Variants in ANKH observed in about 807,000 individuals in gnomAD.
ANKH encodes ANKH inorganic pyrophosphate transport regulator, also known as mineralization regulator ANKH.
In ANKH, 15 loss-of-function variants were observed where a neutral mutation model predicts 49.0. The ratio of observed to expected loss-of-function variants is 0.31; its 90% CI spans 0.20 to 0.47. The LOEUF (loss-of-function observed/expected upper bound fraction) is 0.47, where lower values mean the gene tolerates loss of function less well. Ranked by LOEUF, ANKH falls within the 20% of genes least tolerant of loss-of-function variation. The pLI, the probability that ANKH is intolerant of heterozygous loss-of-function variation, is 1.00. For synonymous variants in ANKH, 273 were observed against 260.0 expected (o/e 1.05, Z -0.48); for missense variants, 429 against 652.0 (o/e 0.66, Z 3.72).
At position 14,749,538 on chromosome 5, in the gene ANKH, C is replaced by A. The variant is rs187960785; in HGVS notation, c.688-232G>T. On this transcript the variant is annotated intron_variant, in intron 5 of 11. Transcript: ENST00000284268. ...CAAGCTGCTGTGAAATTAAAACACA[C>A]ACTGAAGTTTAATGGATCCCAACCA... 2.6e-5 allele frequency among the ~76,000 whole-genome samples: 4 copies of A among 152,340 alleles called. No homozygotes were observed. In the East Asian group the frequency reaches 5.8e-4, roughly 22 times the overall value.
chr5:14,741,696 T>C, intron 8 of ANKH, 131 bp downstream of exon 8: 2 of 721,460 alleles, frequency 2.8e-6, no homozygotes, highest in Non-Finnish European at 4.9e-6. Context: ...AGAAAGTGTA[T>C]TGAAGAGATT....
At chr5:14,840,983 C>T (rs1032417177) in intron 1 of ANKH, among the ~76,000 whole-genome samples, 4 of 152,150 alleles carry the variant, frequency 2.6e-5, no homozygotes, top group African/African-American at 4.8e-5. Context: ...AGGCTAACAC[C>T]TTAATCATGG....
At chr5:14,756,363 G>A (rs763928580) in intron 3 of ANKH, among the ~76,000 whole-genome samples, 3 of 152,140 alleles carry the variant, frequency 2.0e-5, no homozygotes, top group Admixed American at 2.0e-4. Context: ...AGTCATTACC[G>A]GTGCTCACTG....
chr5:14,836,869 T>C (rs1741670871), intron 1 of ANKH, among the ~76,000 whole-genome samples: 1 of 152,168 alleles, frequency 6.6e-6, no homozygotes, highest in Non-Finnish European at 1.5e-5. Context: ...CTTCGAACTA[T>C]ACTACAAGGC....
At chr5:14,847,257 C>T (rs546439523) in intron 1 of ANKH, among the ~76,000 whole-genome samples, 1 of 152,172 alleles carries the variant, frequency 6.6e-6, no homozygotes, top group Admixed American at 6.5e-5. Context: ...GCTTATGTAG[C>T]CAGTAAAAAC....
chr5:14,837,112 A>G (rs1741678280), intron 1 of ANKH, among the ~76,000 whole-genome samples: 2 of 152,242 alleles, frequency 1.3e-5, no homozygotes, highest in African/African-American at 2.4e-5. Context: ...TTATACAAAA[A>G]TTAATTCAAG....
In ANKH at chr5:14,751,452, T is replaced by TACCCACCA. The variant is rs1738715239; in HGVS notation, c.517-214_517-213insTGGTGGGT. ...ATTCACTGGAGGAACATGGATCATT[T>TACCCACCA]TGTTATACCCACCATGAAAATTCTT... On this transcript the variant is annotated intron_variant, in intron 4 of 11. Transcript: ENST00000284268. Among the ~76,000 whole-genome samples, 3 of 152,264 alleles carry TACCCACCA rather than the reference T, an allele frequency of 2.0e-5. No homozygotes were observed. In the South Asian group the frequency reaches 6.2e-4, roughly 31 times the overall value.
intron 9 of ANKH, among the ~76,000 whole-genome samples, chr5:14,716,161 T>G (rs1012223690): frequency 6.6e-6 from 1 of 152,246 alleles, no homozygotes; most frequent in Non-Finnish European, 1.5e-5. Context: ...TGCTATCCTT[T>G]CAGGTCTACT....
intron 8 of ANKH, among the ~76,000 whole-genome samples, chr5:14,733,718 G>A (rs945826667): frequency 1.3e-5 from 2 of 152,224 alleles, no homozygotes; most frequent in African/African-American, 4.8e-5. Context: ...CTGCACCTAA[G>A]TGAATGGCCG....
chr5:14,754,067 G>A (rs1326390871), intron 4 of ANKH, among the ~76,000 whole-genome samples: 1 of 152,202 alleles, frequency 6.6e-6, no homozygotes, highest in African/African-American at 2.4e-5. Flanking sequence ...ATTGTGGCAG[G>A]AACTCAAGCA....
chr5:14,801,008 G>T (rs775753932), intron 1 of ANKH, among the ~76,000 whole-genome samples: 6 of 152,144 alleles, frequency 3.9e-5, no homozygotes, highest in Admixed American at 6.5e-5. Flanking sequence ...TTATAGGTGT[G>T]AGCTACCACA....
chr5:14,829,184 CAAAAAAAAAAAA>C (rs56223225), intron 1 of ANKH, among the ~76,000 whole-genome samples: 6 of 106,018 alleles, frequency 5.7e-5, no homozygotes, highest in Non-Finnish European at 6.1e-5. Flanking sequence ...GACTCTGTCT[CAAAAAAAAAAAA>C]AAAAAAAAAA....
At chr5:14,749,666 A>C (rs934720962) in intron 5 of ANKH, among the ~76,000 whole-genome samples, 5 of 152,248 alleles carry the variant, frequency 3.3e-5, no homozygotes, top group Non-Finnish European at 5.9e-5. Context: ...ATCTCATCAA[A>C]TGGACTGGCT....
chr5:14,858,258 C>T (rs560851297), intron 1 of ANKH, among the ~76,000 whole-genome samples: 17 of 152,218 alleles, frequency 1.1e-4, no homozygotes, highest in South Asian at 2.1e-4. Flanking sequence ...ATCCCTCACC[C>T]GCCTCCCACC....
chr5:14,826,854 T>C (rs1479816226), intron 1 of ANKH, among the ~76,000 whole-genome samples: 1 of 152,212 alleles, frequency 6.6e-6, no homozygotes, highest in East Asian at 1.9e-4. Flanking sequence ...TCTTTTCTGC[T>C]TCCTGGGCCC....
intron 1 of ANKH, among the ~76,000 whole-genome samples, chr5:14,790,742 G>A (rs1251755826): frequency 6.6e-6 from 1 of 152,130 alleles, no homozygotes; most frequent in Non-Finnish European, 1.5e-5. Flanking sequence ...CTGAGTAGTG[G>A]GGACTATAGG....
intron 8 of ANKH, among the ~76,000 whole-genome samples, chr5:14,732,748 A>C (rs1738044850): frequency 6.6e-6 from 1 of 152,110 alleles, no homozygotes; most frequent in South Asian, 2.1e-4. Context: ...TGAAGATGGC[A>C]GTTTTGAGTG....
chr5:14,769,500 T>A (rs944805357), intron 1 of ANKH, among the ~76,000 whole-genome samples: 33 of 152,232 alleles, frequency 2.2e-4, no homozygotes, highest in East Asian at 1.9e-4. Context: ...TTGATTTTTT[T>A]AAAAAAACAA....
At position 14,705,481 on chromosome 5, in the gene ANKH, G is replaced by T. The variant is rs1257907513; in HGVS notation, c.*5716C>A. ...GATGAGCAAGGTGAGGCCAAGAAGC[G>T]TGAGTGATATGGAAGCCTCCAGCTT... On this transcript the variant is annotated 3_prime_UTR_variant, in exon 12 of 12. Transcript: ENST00000284268. The T allele has an allele frequency of 1.3e-5, 2 of 152,206 alleles. No individual in the cohort carries two copies. Among genetic ancestry groups the T allele is most frequent in the East Asian group, 3.8e-4 (2 of 5,196 alleles). The allele number at this position is 152,206 out of a possible 1,614,324, so 9.4% of individuals were successfully genotyped here. A position where few individuals can be genotyped will look rare whatever the true frequency, so the allele number is the denominator to read the frequency against.
Sources: allele counts gnomAD v4.1 joint callset (sites outside exome capture counted in the v4.1 genomes callset), GRCh38; gene constraint gnomAD v4.1.1; transcripts MANE v1.5; gene names NCBI Gene and HGNC (gene_info 2026-07-23, HGNC 2026-07-21).